LRRC7: variants seen among roughly 807,000 people sequenced by gnomAD.
The protein encoded by LRRC7 is leucine-rich repeat-containing protein 7.
Under a neutral mutation model 175.7 loss-of-function variants are expected in LRRC7, and 23 were observed. That is an observed-to-expected ratio of 0.13 (90% confidence interval 0.09 to 0.19). The LOEUF is 0.19. Ranked by LOEUF, LRRC7 falls within the 10% of genes least tolerant of loss-of-function variation. The probability of loss-of-function intolerance (pLI) is 1.00; values close to 1 mark genes in which losing one functional copy is unlikely to be tolerated. For missense variants in LRRC7, 1,354 were observed against 1,904.7 expected, an observed-to-expected ratio of 0.71 and a Z score of 5.38; for synonymous variants, 685 against 680.9, an observed-to-expected ratio of 1.01 and a Z score of -0.09.
intron 24 of LRRC7, among the ~76,000 whole-genome samples, chr1:70,087,908 T>C (rs2102162219): frequency 6.6e-6 from 1 of 152,254 alleles, no homozygotes; most frequent in African/African-American, 2.4e-5. Flanking sequence ...ACCTAATTGA[T>C]CCAGGTTCTA....
chr1:70,126,919 A>G lies in LRRC7; in HGVS notation c.*5032A>G, dbSNP rs1211043250. 6.6e-6 allele frequency among the ~76,000 whole-genome samples: 1 copy of G among 152,140 alleles called. No individual in the cohort carries two copies. The highest frequency in any genetic ancestry group is 1.5e-5 in the Non-Finnish European group (1 of 68,024). On this transcript the variant is annotated 3_prime_UTR_variant, in exon 27 of 27. Coordinates refer to ENST00000651989, the MANE Select transcript of LRRC7 (RefSeq NM_001370785.2). ...TATAGATCCGTCCCTCCAACTCCCC[A>G]TGTTTTTCCAAAGGCAGTGGATGTC...
chr1:69,664,285 A>T (rs980376192), intron 1 of LRRC7, among the ~76,000 whole-genome samples: 1 of 152,190 alleles, frequency 6.6e-6, no homozygotes, highest in African/African-American at 2.4e-5. Flanking sequence ...TATCTTTTTG[A>T]TAGACTGATT....
intron 4 of LRRC7, among the ~76,000 whole-genome samples, chr1:69,799,281 C>T (rs1179130495): frequency 2.6e-5 from 4 of 151,926 alleles, no homozygotes; most frequent in Non-Finnish European, 4.4e-5. Context: ...GTGGTAAATT[C>T]TGGGCTTTTA....
At chr1:69,947,145 A>AATCAATCAATC (rs1469861547) in intron 8 of LRRC7, among the ~76,000 whole-genome samples, 17 of 151,100 alleles carry the variant, frequency 1.1e-4, no homozygotes, top group African/African-American at 3.7e-4. Flanking sequence ...ATAAATAAAT[A>AATCAATCAATC]AATAAATCTA....
chr1:69,978,310 G>A (rs1420579977), intron 8 of LRRC7, among the ~76,000 whole-genome samples: 1 of 149,122 alleles, frequency 6.7e-6, no homozygotes, highest in Admixed American at 6.7e-5. Context: ...GAGGGAAGAG[G>A]AGGGGAGGGG....
At chr1:69,848,563 C>A (rs1304158696) in intron 7 of LRRC7, among the ~76,000 whole-genome samples, 1 of 151,966 alleles carries the variant, frequency 6.6e-6, no homozygotes, top group Non-Finnish European at 1.5e-5. Flanking sequence ...AACAAACTAC[C>A]CCATTATTGA....
At chr1:69,737,301 C>T (rs777709227) in intron 2 of LRRC7, among the ~76,000 whole-genome samples, 7 of 152,036 alleles carry the variant, frequency 4.6e-5, no homozygotes, top group Non-Finnish European at 8.8e-5. Context: ...GTAAGTCTCA[C>T]GAGATCTGAT....
intron 1 of LRRC7, among the ~76,000 whole-genome samples, chr1:69,574,470 T>C (rs1049656655): frequency 6.6e-6 from 1 of 152,110 alleles, no homozygotes; most frequent in Non-Finnish European, 1.5e-5. Flanking sequence ...GTATTGTCAA[T>C]TTATTCAATA....
At chr1:69,690,043 C>T (rs1303388346) in intron 2 of LRRC7, among the ~76,000 whole-genome samples, 1 of 152,126 alleles carries the variant, frequency 6.6e-6, no homozygotes, top group African/African-American at 2.4e-5. Flanking sequence ...ATGGTTTTTT[C>T]ATTCAAACTT....
intron 13 of LRRC7, chr1:70,013,849 A>G (rs1405573455): frequency 6.6e-6 from 1 of 152,054 alleles, no homozygotes; most frequent in Admixed American, 6.6e-5. Context: ...AACTGAGAGA[A>G]CTTGCAATGA....
chr1:69,912,298 G>A (rs989531350), intron 7 of LRRC7, among the ~76,000 whole-genome samples: 3 of 152,260 alleles, frequency 2.0e-5, no homozygotes, highest in South Asian at 2.1e-4. Flanking sequence ...ATGTGTTAAA[G>A]GGGTCTTTTA....
intron 8 of LRRC7, among the ~76,000 whole-genome samples, chr1:69,939,007 A>ATC (rs1648362712): frequency 1.0e-5 from 1 of 96,816 alleles, no homozygotes; most frequent in African/African-American, 3.6e-5. Context: ...ATATATATAT[A>ATC]TATATATCTA....
At chr1:69,786,808 G>A (rs1457657968) in intron 3 of LRRC7, among the ~76,000 whole-genome samples, 1 of 152,042 alleles carries the variant, frequency 6.6e-6, no homozygotes, top group African/African-American at 2.4e-5. Flanking sequence ...GATTTGGGTG[G>A]GGATACAGCC....
At chr1:69,627,324 G>C (rs993914081) in intron 1 of LRRC7, among the ~76,000 whole-genome samples, 1 of 152,224 alleles carries the variant, frequency 6.6e-6, no homozygotes, top group Non-Finnish European at 1.5e-5. Flanking sequence ...CTGATGGCCA[G>C]TGATGATGAG....
At chr1:69,781,850 A>AGG (rs1673734361) in intron 3 of LRRC7, among the ~76,000 whole-genome samples, 1 of 104,264 alleles carries the variant, frequency 9.6e-6, no homozygotes. Context: ...AGGAAGGGAG[A>AGG]GAAAGAAAGA....
At chr1:70,068,388 A>G (rs934796638) in intron 23 of LRRC7, among the ~76,000 whole-genome samples, 11 of 152,176 alleles carry the variant, frequency 7.2e-5, no homozygotes, top group African/African-American at 2.7e-4. Flanking sequence ...GCCCATTCAT[A>G]TGGTGCATTA....
chr1:69,693,943 A>G (rs184362709), intron 2 of LRRC7, among the ~76,000 whole-genome samples: 1 of 152,272 alleles, frequency 6.6e-6, no homozygotes, highest in Admixed American at 6.5e-5. Flanking sequence ...ATTTTCTTAA[A>G]TGTCTCATGA....
At chr1:70,065,316 G>A (rs565025996) in intron 23 of LRRC7, among the ~76,000 whole-genome samples, 1 of 151,970 alleles carries the variant, frequency 6.6e-6, no homozygotes, top group African/African-American at 2.4e-5. Context: ...ATTGGCCCTT[G>A]AGCATATTAA....
At chr1:69,944,529 A>G (rs1396054082) in intron 8 of LRRC7, among the ~76,000 whole-genome samples, 1 of 152,110 alleles carries the variant, frequency 6.6e-6, no homozygotes, top group Non-Finnish European at 1.5e-5. Context: ...ATCCAAAAGC[A>G]TGATTGCTGG....
Sources: allele counts gnomAD v4.1 joint callset (sites outside exome capture counted in the v4.1 genomes callset), GRCh38; gene constraint gnomAD v4.1.1; transcripts MANE v1.5; gene names NCBI Gene and HGNC (gene_info 2026-07-23, HGNC 2026-07-21).